The following PIK3C2G variants were observed in gnomAD, a reference collection of about 807,000 sequenced individuals.
PIK3C2G encodes the protein phosphatidylinositol 3-kinase C2 domain-containing subunit gamma.
PIK3C2G carries 168 observed loss-of-function variants against 181.1 expected under a neutral mutation model. That is an observed-to-expected ratio of 0.93 (90% CI 0.82 to 1.05). The LOEUF (loss-of-function observed/expected upper bound fraction) is 1.05, where lower values mean the gene tolerates loss of function less well. Among genes scored for constraint, PIK3C2G ranks in the 50% least tolerant of loss-of-function variants. The pLI, the probability that PIK3C2G is intolerant of heterozygous loss-of-function variation, is 0.00. For missense variants in PIK3C2G, 1,869 were observed against 1,732.8 expected, an observed-to-expected ratio of 1.08 and a Z score of -1.40; for synonymous variants, 573 against 592.2, an observed-to-expected ratio of 0.97 and a Z score of 0.47.
Position 18,346,784 on chromosome 12 carries a change from C to T in PIK3C2G, c.1573C>T (p.Leu525Phe). The change falls in exon 11 of 33, where the codon CTC becomes TTC. Residue 525 changes from leucine to phenylalanine, a missense_variant. Physicochemically the swap from Leu to Phe is conservative, Grantham distance 22. Transcript: ENST00000538779. The part of the protein sequence containing the change: ...SYLNPGLPSH[L>F]SFTVYAAHNI... ...TCTAAATCCCGGGCTTCCTTCCCACCTCAGCTTCACAGTGTATGCAGCACA... is the reference window on the plus strand; with the variant it reads ...TCTAAATCCCGGGCTTCCTTCCCACTTCAGCTTCACAGTGTATGCAGCACA... The T allele has an allele frequency of 1.2e-6, 2 of 1,613,718 alleles. No individual in the cohort carries two copies. The highest frequency in any genetic ancestry group is 1.7e-6 in the Non-Finnish European group (2 of 1,179,770).
intron 28 of PIK3C2G, among the ~76,000 whole-genome samples, chr12:18,565,131 G>C (rs1945562006): frequency 2.6e-5 from 4 of 152,112 alleles, no homozygotes; most frequent in Admixed American, 2.6e-4. Flanking sequence ...AGGGGCCCAG[G>C]CTTACAGTGA....
intron 24 of PIK3C2G, among the ~76,000 whole-genome samples, chr12:18,513,249 G>C (rs1942326942): frequency 1.3e-5 from 2 of 151,768 alleles, no homozygotes; most frequent in Non-Finnish European, 1.5e-5. Context: ...ATATTGGCCT[G>C]TAATTTTCTT....
chr12:18,313,074 A>T (rs938370283), intron 5 of PIK3C2G, among the ~76,000 whole-genome samples: 1 of 152,100 alleles, frequency 6.6e-6, no homozygotes, highest in Non-Finnish European at 1.5e-5. Flanking sequence ...TCCTTTAAAC[A>T]ATGTGCATTA....
chr12:18,274,824 A>C (rs967872949), intron 1 of PIK3C2G, among the ~76,000 whole-genome samples: 7 of 152,122 alleles, frequency 4.6e-5, no homozygotes, highest in Non-Finnish European at 1.0e-4. Flanking sequence ...AAAAGCCTAC[A>C]TTATTTTCAT....
intron 28 of PIK3C2G, among the ~76,000 whole-genome samples, chr12:18,565,074 T>A (rs1204728803): frequency 6.6e-6 from 1 of 152,156 alleles, no homozygotes; most frequent in Non-Finnish European, 1.5e-5. Context: ...GCAAGGAACA[T>A]TTTGTCCTAT....
chr12:18,569,565 T>A (rs1945819635), intron 29 of PIK3C2G, among the ~76,000 whole-genome samples: 1 of 152,202 alleles, frequency 6.6e-6, no homozygotes, highest in Non-Finnish European at 1.5e-5. Context: ...AGTTTGGGGC[T>A]ATTACAAACC....
chr12:18,721,942 A>C, the PIK3C2G span, among the ~76,000 whole-genome samples: 2 of 152,038 alleles, frequency 1.3e-5, no homozygotes, highest in South Asian at 2.1e-4. Flanking sequence ...ATTGTGGCCT[A>C]TAAGAACCTA....
At chr12:18,357,298 G>T (rs920458563) in intron 11 of PIK3C2G, among the ~76,000 whole-genome samples, 7 of 150,646 alleles carry the variant, frequency 4.6e-5, no homozygotes, top group South Asian at 2.1e-4. Flanking sequence ...AGGAGGTGTG[G>T]GTGTGTGTGT....
At chr12:18,470,934 A>C (rs1043129420) in intron 18 of PIK3C2G, among the ~76,000 whole-genome samples, 1 of 152,110 alleles carries the variant, frequency 6.6e-6, no homozygotes, top group Non-Finnish European at 1.5e-5. Flanking sequence ...CTTTATTTCA[A>C]AGTTTCCAAA....
At chr12:18,404,271 T>C (rs1360964591) in intron 16 of PIK3C2G, among the ~76,000 whole-genome samples, 1 of 152,206 alleles carries the variant, frequency 6.6e-6, no homozygotes, top group African/African-American at 2.4e-5. Flanking sequence ...ACTCTCACAT[T>C]TGACTGATTA....
At chr12:18,622,416 C>T (rs1256955199) in intron 31 of PIK3C2G, among the ~76,000 whole-genome samples, 3 of 151,758 alleles carry the variant, frequency 2.0e-5, no homozygotes, top group Non-Finnish European at 4.4e-5. Flanking sequence ...AATAATATTC[C>T]ATTGTACACA....
At chr12:18,499,030 T>C (rs899505347) in intron 22 of PIK3C2G, among the ~76,000 whole-genome samples, 4 of 152,218 alleles carry the variant, frequency 2.6e-5, no homozygotes, top group African/African-American at 9.6e-5. Flanking sequence ...TCTCCAGATA[T>C]TGAATAAATT....
chr12:18,608,819 A>G (rs1948191933), intron 30 of PIK3C2G, among the ~76,000 whole-genome samples: 1 of 152,166 alleles, frequency 6.6e-6, no homozygotes, highest in African/African-American at 2.4e-5. Context: ...TCTGAAAGGC[A>G]TTTTGATCAA....
chr12:18,663,268 AAAG>A, the PIK3C2G span, among the ~76,000 whole-genome samples: 2 of 152,144 alleles, frequency 1.3e-5, no homozygotes, highest in Non-Finnish European at 2.9e-5. Context: ...CTAAATTTGA[AAAG>A]AAGAGGCAAA....
chr12:18,678,792 C>T, the PIK3C2G span, among the ~76,000 whole-genome samples: 1 of 151,970 alleles, frequency 6.6e-6, no homozygotes, highest in Admixed American at 6.6e-5. Flanking sequence ...ATAAAAAATC[C>T]TTCTATAAAC....
intron 29 of PIK3C2G, among the ~76,000 whole-genome samples, chr12:18,586,607 T>G (rs891611803): frequency 6.6e-6 from 1 of 151,908 alleles, no homozygotes; most frequent in African/African-American, 2.4e-5. Flanking sequence ...AAGCCCAGGA[T>G]CAGAAAGATT....
intron 3 of PIK3C2G, among the ~76,000 whole-genome samples, chr12:18,289,957 A>G (rs1177559157): frequency 6.6e-6 from 1 of 152,202 alleles, no homozygotes; most frequent in Non-Finnish European, 1.5e-5. Context: ...TCTTCATGTT[A>G]TGTTCTACAT....
chr12:18,373,615 C>T (rs1033973181), intron 13 of PIK3C2G, among the ~76,000 whole-genome samples: 1 of 152,012 alleles, frequency 6.6e-6, no homozygotes, highest in Non-Finnish European at 1.5e-5. Context: ...TTTGGGAGGC[C>T]GAGGCGGGTG....
At chr12:18,674,381 G>T in the PIK3C2G span, among the ~76,000 whole-genome samples, 1 of 145,074 alleles carries the variant, frequency 6.9e-6, no homozygotes, top group Non-Finnish European at 1.5e-5. Context: ...GTCTGCAATA[G>T]AATGTGAGAT....
Sources: gnomAD v4.1 joint callset for allele counts (sites outside exome capture counted in the v4.1 genomes callset) on GRCh38, gnomAD v4.1.1 for gene constraint, MANE v1.5 for transcripts, NCBI Gene and HGNC (gene_info 2026-07-23, HGNC 2026-07-21) for gene names.